Variants in ACOT7 observed in about 807,000 individuals in gnomAD.
ACOT7 encodes acyl-CoA thioesterase 7.
A neutral mutation model predicts 40.2 loss-of-function variants in ACOT7; 12 were observed. That is an observed-to-expected ratio of 0.30 (90% confidence interval 0.19 to 0.48). The LOEUF is 0.48. Among genes scored for constraint, ACOT7 ranks in the 20% least tolerant of loss-of-function variants. The pLI is 0.99. For synonymous variants in ACOT7, 228 were observed against 219.5 expected, an observed-to-expected ratio of 1.04 and a Z score of -0.34; for missense variants, 395 against 530.8, an observed-to-expected ratio of 0.74 and a Z score of 2.51.
intron 1 of ACOT7, among the ~76,000 whole-genome samples, chr1:6,363,528 C>G (rs1026257426): frequency 6.6e-6 from 1 of 152,162 alleles, no homozygotes; most frequent in African/African-American, 2.4e-5. Flanking sequence ...ACACCTGGCT[C>G]TGCCTTTTAG....
At chr1:6,345,691 C>T (rs888112504) in intron 2 of ACOT7, among the ~76,000 whole-genome samples, 93 of 152,306 alleles carry the variant, frequency 6.1e-4, no homozygotes, top group African/African-American at 2.0e-3. Flanking sequence ...CAGCCCCGGC[C>T]GTCTTCTGGC....
At chr1:6,344,526 G>C (rs1353847077) in intron 2 of ACOT7, among the ~76,000 whole-genome samples, 2 of 152,152 alleles carry the variant, frequency 1.3e-5, no homozygotes, top group African/African-American at 4.8e-5. Flanking sequence ...AGCACTTTAG[G>C]AGGCCGAGGC....
chr1:6,308,729 AGAGAGAACCATGACCAGGTG>A (rs1640243900), intron 6 of ACOT7, among the ~76,000 whole-genome samples: 1 of 151,876 alleles, frequency 6.6e-6, no homozygotes, highest in African/African-American at 2.4e-5. Flanking sequence ...GCAACCAGGC[AGAGAGAACCATGACCAGGTG>A]GAGAGAACTG....
chr1:6,353,598 C>T (rs970646768), intron 1 of ACOT7, among the ~76,000 whole-genome samples: 1 of 152,214 alleles, frequency 6.6e-6, no homozygotes, highest in African/African-American at 2.4e-5. Flanking sequence ...CATGCCACTG[C>T]ACTCCAGCCT....
intron 2 of ACOT7, among the ~76,000 whole-genome samples, chr1:6,345,831 A>G (rs966592365): frequency 6.6e-6 from 1 of 151,920 alleles, no homozygotes; most frequent in Admixed American, 6.6e-5. Context: ...CTACACAGGG[A>G]GAGGAAGGGT....
intron 1 of ACOT7, chr1:6,360,768 GGCATT>G (rs1234999695): frequency 1.3e-6 from 2 of 1,536,766 alleles, no homozygotes; most frequent in East Asian, 4.7e-5. Flanking sequence ...CCTCCAGGCG[GGCATT>G]GCTGCCTCCC....
At chr1:6,324,352 T>A (rs1307719473) in intron 5 of ACOT7, among the ~76,000 whole-genome samples, 1 of 152,074 alleles carries the variant, frequency 6.6e-6, no homozygotes, top group Non-Finnish European at 1.5e-5. Flanking sequence ...AAAGTAAAAA[T>A]AAAAGCACAT....
At position 6,335,020 on chromosome 1, in the gene ACOT7, T is replaced by C. The variant is rs1641060379; in HGVS notation, c.419-1452A>G. 1.3e-5 allele frequency among the ~76,000 whole-genome samples: 2 copies of C among 151,998 alleles called. 1 individual carries two copies. Among genetic ancestry groups the C allele is most frequent in the South Asian group, 4.2e-4 (2 of 4,806 alleles). On this transcript the variant is annotated intron_variant, in intron 3 of 8. Transcript: ENST00000361521. ...GGGTAACATGGCGAAACCCCGTCTC[T>C]ACCAAAAATACAAAAAATTAGCTGG...
chr1:6,287,682 G>A (rs1027950793), intron 7 of ACOT7, among the ~76,000 whole-genome samples: 1 of 152,206 alleles, frequency 6.6e-6, no homozygotes, highest in African/African-American at 2.4e-5. Context: ...GTCTCTCCAG[G>A]GGCGGCAGCA....
rs188539522 is a variant in ACOT7, at chr1:6,370,334, G to A, written c.144-20468C>T. On this transcript the variant is annotated intron_variant, in intron 1 of 8. Transcript: ENST00000361521. ...TTTCCTTCATAAATTACCCAGCTTC[G>A]GGCATTCCTTTACAGCCACACAAAT... 1.5e-4 allele frequency among the ~76,000 whole-genome samples: 23 copies of A among 152,072 alleles called. No homozygotes were observed. In the East Asian group the frequency reaches 3.3e-3, roughly 22 times the overall value.
chr1:6,363,421 TCA>T lies in ACOT7; in HGVS notation c.144-13557_144-13556del, dbSNP rs572483957. Among the ~76,000 whole-genome samples, 299 of 152,228 alleles carry T rather than the reference TCA, an allele frequency of 2.0e-3. 1 individual carries two copies. The highest frequency in any genetic ancestry group is 6.7e-3 in the African/African-American group (280 of 41,556). On this transcript the variant is annotated intron_variant, in intron 1 of 8. Transcript: ENST00000361521. Reference sequence around the variant, plus strand: ...TCCACCTCTTGTGGAGGGCCTGACATCAGTCAGGCCTGCCCGCAGTTATCCGG... The same window carrying T: ...TCCACCTCTTGTGGAGGGCCTGACATGTCAGGCCTGCCCGCAGTTATCCGG...
Position 6,281,180 on chromosome 1 carries a change from G to A in ACOT7, c.936C>T (p.Arg312=). The change falls in exon 8 of 9, where the codon CGC becomes CGT. Residue 312 remains arginine (R), a synonymous_variant. Transcript: ENST00000361521. Reference sequence around the variant, plus strand: ...TGAAGAAGGCACTGGCGGCCCGGTAGCGCTTCTGAGAGCTGTCCACAACAG... The same window carrying A: ...TGAAGAAGGCACTGGCGGCCCGGTAACGCTTCTGAGAGCTGTCCACAACAG... ...ADPVVDSSQK[R]YRAASAFFTY... 6.2e-7 allele frequency: 1 copy of A among 1,614,166 alleles called. No homozygotes were observed. Among genetic ancestry groups the A allele is most frequent in the East Asian group, 2.2e-5 (1 of 44,880 alleles).
chr1:6,351,867 A>G lies in ACOT7; in HGVS notation c.144-2001T>C, dbSNP rs550922253. Among the ~76,000 whole-genome samples the G allele has an allele frequency of 2.0e-3, 309 of 152,356 alleles. 1 individual carries two copies. The highest frequency in any genetic ancestry group is 2.5e-3 in the Non-Finnish European group (172 of 68,032). ...CTTTCATGCGGTGGGCACTGAAGACAGGACAGATATGTGGGTAGCCTTTAA... is the reference window on the plus strand; with the variant it reads ...CTTTCATGCGGTGGGCACTGAAGACGGGACAGATATGTGGGTAGCCTTTAA... On this transcript the variant is annotated intron_variant, in intron 1 of 8. Transcript: ENST00000361521.
chr1:6,388,737 T>TAAA (rs34026058), intron 1 of ACOT7, among the ~76,000 whole-genome samples: 3 of 84,638 alleles, frequency 3.5e-5, no homozygotes, highest in Admixed American at 2.7e-4. Context: ...GAGACTCTCT[T>TAAA]AAAAAAAAAA....
chr1:6,284,873 T>C (rs1038036757), intron 7 of ACOT7, among the ~76,000 whole-genome samples: 14 of 152,128 alleles, frequency 9.2e-5, no homozygotes, highest in Non-Finnish European at 1.9e-4. Context: ...GGTCTCTCCC[T>C]AGAAAAGCCC....
In ACOT7 at chr1:6,309,635, CTTTGGCCGGCAGTTA is replaced by C. The variant is rs562922215; in HGVS notation, c.712+8842_712+8856del. On this transcript the variant is annotated intron_variant, in intron 6 of 8. Transcript: ENST00000361521. ...ATCATAAGTCCAGACGTTACTTTTT[CTTTGGCCGGCAGTTA>C]TTTGCAGGAGTGTTCCATTTCCAGG... Among the ~76,000 whole-genome samples the C allele has an allele frequency of 3.2e-4, 49 of 152,190 alleles. No homozygotes were observed. The South Asian group carries it at 1.0e-2, about 31-fold the overall frequency.
intron 6 of ACOT7, among the ~76,000 whole-genome samples, chr1:6,305,572 G>A (rs1022909289): frequency 5.3e-5 from 8 of 150,550 alleles, no homozygotes; most frequent in Admixed American, 6.6e-5. Flanking sequence ...GGGCAGAGAC[G>A]CTCCTCACAT....
chr1:6,375,581 A>G (rs1642213351), intron 1 of ACOT7, among the ~76,000 whole-genome samples: 1 of 152,030 alleles, frequency 6.6e-6, no homozygotes, highest in Non-Finnish European at 1.5e-5. Flanking sequence ...AGCCAGAAGG[A>G]TCGCTTGAAC....
rs988844972 is a variant in ACOT7, at chr1:6,353,408, CG to C, written c.144-3543del. Among the ~76,000 whole-genome samples the C allele has an allele frequency of 3.7e-4, 56 of 152,032 alleles. 1 individual carries two copies. Among genetic ancestry groups the C allele is most frequent in the Admixed American group, 1.8e-3 (27 of 15,258 alleles). Reference sequence around the variant, plus strand: ...GCACTTACAGAGGCCGAGGCGGGGGCGGATCACTTGAGGTCAGGAATTCAGG... The same window carrying C: ...GCACTTACAGAGGCCGAGGCGGGGGCGATCACTTGAGGTCAGGAATTCAGG... On this transcript the variant is annotated intron_variant, in intron 1 of 8. Coordinates refer to ENST00000361521, the MANE Select transcript of ACOT7 (RefSeq NM_007274.4).
Sources: gnomAD v4.1 joint callset for allele counts (sites outside exome capture counted in the v4.1 genomes callset) on GRCh38, gnomAD v4.1.1 for gene constraint, MANE v1.5 for transcripts, NCBI Gene and HGNC (gene_info 2026-07-23, HGNC 2026-07-21) for gene names.